GRK5: variants seen among roughly 807,000 people sequenced by gnomAD.
GRK5 encodes G protein-coupled receptor kinase 5.
A neutral mutation model predicts 78.4 loss-of-function variants in GRK5; 40 were observed. That is an observed-to-expected ratio of 0.51 (90% CI 0.40 to 0.66). The LOEUF (loss-of-function observed/expected upper bound fraction) is 0.66, where lower values mean the gene tolerates loss of function less well. Ranked by LOEUF, GRK5 falls within the 30% of genes least tolerant of loss-of-function variation. The pLI is 0.00. For missense variants in GRK5, 598 were observed against 759.9 expected (o/e 0.79, Z 2.50); for synonymous variants, 289 against 296.8 (o/e 0.97, Z 0.27).
chr10:119,424,348 G>A (rs371593243), intron 5 of GRK5, among the ~76,000 whole-genome samples: 2 of 152,236 alleles, frequency 1.3e-5, no homozygotes, highest in South Asian at 2.1e-4. Flanking sequence ...CTAAAGGAAA[G>A]AAGCTGCCTG....
chr10:119,367,119 T>C (rs1256011632), intron 2 of GRK5, among the ~76,000 whole-genome samples: 2 of 152,174 alleles, frequency 1.3e-5, no homozygotes, highest in Non-Finnish European at 2.9e-5. Context: ...TTATAATACA[T>C]CAGGTGGCAA....
chr10:119,333,540 A>G, intron 2 of GRK5: 1 of 328,006 alleles, frequency 3.0e-6, no homozygotes, highest in Non-Finnish European at 6.0e-6. Flanking sequence ...TGACCCGCCC[A>G]GGAGAGCCAG....
In GRK5 at chr10:119,412,585, C is replaced by G. The variant is rs1852368368; in HGVS notation, c.340-10581C>G. On this transcript the variant is annotated intron_variant, in intron 4 of 15. Transcript: ENST00000392870. This position sits in a 1 kb window ranked among gnomAD's most constrained non-coding sequence, Gnocchi z 4.3. ...CTTGTGGATCACGTCTCCTGCCTGG[C>G]CATGGACAGAGAAAGGAACCACTCC... Among the ~76,000 whole-genome samples the G allele has an allele frequency of 6.6e-6, 1 of 152,254 alleles. No individual in the cohort carries two copies. Among genetic ancestry groups the G allele is most frequent in the Middle Eastern group, 3.4e-3 (1 of 294 alleles).
intron 5 of GRK5, 83 bp downstream of exon 5, chr10:119,423,349 C>T (rs1027055918): frequency 4.3e-6 from 4 of 919,840 alleles, no homozygotes; most frequent in African/African-American, 3.3e-5. Flanking sequence ...CCATACAGGG[C>T]ACTGAGGCAG....
chr10:119,212,632 T>C (rs1200720717), intron 1 of GRK5, among the ~76,000 whole-genome samples: 2 of 152,234 alleles, frequency 1.3e-5, no homozygotes, highest in Non-Finnish European at 2.9e-5. Flanking sequence ...GTTGCCAATA[T>C]GTTTGGAGTG....
intron 9 of GRK5, among the ~76,000 whole-genome samples, chr10:119,437,781 GA>G (rs1341466964): frequency 6.6e-6 from 1 of 152,128 alleles, no homozygotes; most frequent in Non-Finnish European, 1.5e-5. Flanking sequence ...AGTTCTCCTT[GA>G]CCGTAAGTCT....
intron 1 of GRK5, among the ~76,000 whole-genome samples, chr10:119,247,816 C>T (rs745586695): frequency 6.6e-6 from 1 of 152,100 alleles, no homozygotes; most frequent in Non-Finnish European, 1.5e-5. Flanking sequence ...TTATGATACA[C>T]ATAATAGAAG....
chr10:119,339,991 C>T (rs543751391), intron 2 of GRK5, among the ~76,000 whole-genome samples: 46 of 152,284 alleles, frequency 3.0e-4, no homozygotes, highest in African/African-American at 8.9e-4. Context: ...TAGCTGTGGC[C>T]GTTTCCAGCC....
intron 4 of GRK5, among the ~76,000 whole-genome samples, chr10:119,408,714 T>C (rs972467510): frequency 6.6e-6 from 1 of 151,834 alleles, no homozygotes; most frequent in African/African-American, 2.4e-5. Context: ...GAGTAGGGAG[T>C]TGCTGCTTAA....
intron 1 of GRK5, among the ~76,000 whole-genome samples, chr10:119,265,713 C>G (rs915031392): frequency 6.6e-6 from 1 of 152,204 alleles, no homozygotes; most frequent in African/African-American, 2.4e-5. Context: ...TGCCTGGGCT[C>G]CACTGTACTA....
chr10:119,301,211 T>C (rs1850175972), intron 1 of GRK5, among the ~76,000 whole-genome samples: 1 of 152,226 alleles, frequency 6.6e-6, no homozygotes, highest in Admixed American at 6.5e-5. Flanking sequence ...GCACGTCATC[T>C]ACACCCCAGG....
chr10:119,450,540 A>G (rs1217780425), intron 13 of GRK5, among the ~76,000 whole-genome samples: 2 of 152,176 alleles, frequency 1.3e-5, no homozygotes, highest in Non-Finnish European at 1.5e-5. Context: ...GGCTGGAGAA[A>G]AGCGCTCCAG....
In GRK5 at chr10:119,271,093, C is replaced by CCGGGCTTT. The variant is rs1394922958; in HGVS notation, c.53-55420_53-55413dup. On this transcript the variant is annotated intron_variant, in intron 1 of 15. Transcript: ENST00000392870. The surrounding 1 kb of genome is among the most constrained non-coding windows in gnomAD (Gnocchi z 4.1). ...CGCCTAGAAGTGACTGAATAGCAGA[C>CCGGGCTTT]CGGGCTTTCGTAAGTAAGCTCACAC... 6.6e-6 allele frequency among the ~76,000 whole-genome samples: 1 copy of CCGGGCTTT among 152,210 alleles called. No individual in the cohort carries two copies. The highest frequency in any genetic ancestry group is 2.4e-5 in the African/African-American group (1 of 41,456).
chr10:119,251,761 G>A (rs973655064), intron 1 of GRK5, among the ~76,000 whole-genome samples: 1 of 152,190 alleles, frequency 6.6e-6, no homozygotes, highest in Non-Finnish European at 1.5e-5. Flanking sequence ...CTGTGCGTTG[G>A]ATGATGTTTA....
intron 4 of GRK5, chr10:119,406,425 C>T: frequency 2.0e-6 from 2 of 984,754 alleles, no homozygotes; most frequent in Non-Finnish European, 2.4e-6. Context: ...TTCATGATCT[C>T]CAGGGCAACC....
intron 3 of GRK5, among the ~76,000 whole-genome samples, chr10:119,394,328 CTGTG>C (rs1851971162): frequency 2.4e-4 from 2 of 8,374 alleles, no homozygotes; most frequent in African/African-American, 1.3e-3. Context: ...GTGTGTGTAT[CTGTG>C]TGTCTGTGTG....
intron 1 of GRK5, among the ~76,000 whole-genome samples, chr10:119,272,432 C>G (rs998814035): frequency 6.6e-6 from 1 of 151,988 alleles, no homozygotes; most frequent in Admixed American, 6.6e-5. Context: ...AAAAATTAGC[C>G]AGGCATGATG....
intron 2 of GRK5, among the ~76,000 whole-genome samples, chr10:119,366,829 C>G (rs992090530): frequency 1.3e-5 from 2 of 152,202 alleles, no homozygotes; most frequent in African/African-American, 2.4e-5. Context: ...CTGCTGCTGC[C>G]ATGGATCCCT....
chr10:119,448,222 T>C lies in GRK5; in HGVS notation c.1366T>C (p.Leu456=). The C allele has an allele frequency of 6.3e-7, 1 of 1,597,754 alleles. No homozygotes were observed. Among genetic ancestry groups the C allele is most frequent in the Non-Finnish European group, 8.5e-7 (1 of 1,173,044 alleles). Residue 456 remains leucine, a synonymous_variant, in exon 13 of 16, where the codon TTA becomes CTA. Coordinates refer to ENST00000392870, the MANE Select transcript of GRK5 (RefSeq NM_005308.3). Reference sequence around the variant, plus strand: ...CTTCAGGAACATGAACTTCAAGCGCTTAGAAGCCGGGATGTTGGACCCTCC... The same window carrying C: ...CTTCAGGAACATGAACTTCAAGCGCCTAGAAGCCGGGATGTTGGACCCTCC... ...PFFRNMNFKR[L]EAGMLDPPFV...
Sources: gnomAD v4.1 joint callset for allele counts (sites outside exome capture counted in the v4.1 genomes callset) on GRCh38, gnomAD v4.1.1 for gene constraint, Gnocchi (gnomAD v3.1) non-coding constraint, MANE v1.5 for transcripts, NCBI Gene and HGNC (gene_info 2026-07-23, HGNC 2026-07-21) for gene names.